Variants in SOX5 observed in about 807,000 individuals in gnomAD.
The protein encoded by SOX5 is transcription factor SOX-5.
SOX5 carries 9 observed loss-of-function variants against 92.0 expected under a neutral mutation model. The observed-to-expected ratio is 0.10, with a 90% CI of 0.06 to 0.17. The LOEUF (loss-of-function observed/expected upper bound fraction) is 0.17, where lower values mean the gene tolerates loss of function less well. Ranked by LOEUF, SOX5 falls within the 10% of genes least tolerant of loss-of-function variation. The pLI is 1.00. For missense variants in SOX5, 642 were observed against 944.5 expected (o/e 0.68, Z 4.20); for synonymous variants, 344 against 336.3 (o/e 1.02, Z -0.25).
chr12:23,612,457 A>C (rs2076082251), intron 8 of SOX5, among the ~76,000 whole-genome samples: 1 of 152,154 alleles, frequency 6.6e-6, no homozygotes, highest in Non-Finnish European at 1.5e-5. Context: ...CACTTCTAAA[A>C]TTGCACATAA....
At chr12:23,595,368 A>T (rs554901036) in intron 9 of SOX5, among the ~76,000 whole-genome samples, 1 of 152,238 alleles carries the variant, frequency 6.6e-6, no homozygotes, top group East Asian at 1.9e-4. Flanking sequence ...CACGCCTGTA[A>T]TCCCAGCACT....
At chr12:23,870,721 G>A (rs1242093648) in intron 2 of SOX5, among the ~76,000 whole-genome samples, 1 of 151,948 alleles carries the variant, frequency 6.6e-6, no homozygotes, top group Non-Finnish European at 1.5e-5. Context: ...AACAAATCTT[G>A]GTGCTAAATT....
chr12:24,345,072 A>G (rs1198302970), intron 2 of SOX5, among the ~76,000 whole-genome samples: 1 of 152,216 alleles, frequency 6.6e-6, no homozygotes, highest in Non-Finnish European at 1.5e-5. Flanking sequence ...TGTGCTTCTC[A>G]AACTGGAGTG....
At chr12:24,174,803 A>T (rs1039754876) in intron 4 of SOX5, among the ~76,000 whole-genome samples, 1 of 152,064 alleles carries the variant, frequency 6.6e-6, no homozygotes, top group African/African-American at 2.4e-5. Context: ...CCGGGCCACA[A>T]GAGTGAACTT....
chr12:24,036,898 A>T (rs1046745558), intron 4 of SOX5, among the ~76,000 whole-genome samples: 1 of 152,194 alleles, frequency 6.6e-6, no homozygotes, highest in Admixed American at 6.5e-5. Flanking sequence ...GTATGTACAG[A>T]TGTTTAAATT....
intron 1 of SOX5, among the ~76,000 whole-genome samples, chr12:24,389,154 T>A (rs1383033990): frequency 1.3e-5 from 2 of 151,802 alleles, no homozygotes; most frequent in Admixed American, 1.3e-4. Flanking sequence ...CCCCTTCCTG[T>A]GCCCATGTGT....
At chr12:24,509,825 T>C (rs1277116847) in intron 1 of SOX5, among the ~76,000 whole-genome samples, 2 of 152,204 alleles carry the variant, frequency 1.3e-5, no homozygotes, top group African/African-American at 2.4e-5. Context: ...TTACTTTTGG[T>C]CTCAGCCACA....
chr12:24,341,284 C>T (rs550330566), intron 2 of SOX5, among the ~76,000 whole-genome samples: 2 of 152,120 alleles, frequency 1.3e-5, no homozygotes, highest in East Asian at 3.9e-4. Context: ...CAAGACCAGC[C>T]TGGGCAACAC....
At position 24,524,612 on chromosome 12, in the gene SOX5, A is replaced by G. The variant is rs376757822; in HGVS notation, c.-251+37717T>C. Among the ~76,000 whole-genome samples, 4 of 152,344 alleles carry G rather than the reference A, an allele frequency of 2.6e-5. No individual in the cohort carries two copies. In the South Asian group the frequency reaches 8.3e-4, roughly 32 times the overall value. ...CATCAGAGAAATGCAAATCAAAACC[A>G]TAATGAGATCTCACCTCACACCTGT... On this transcript the variant is annotated intron_variant, in intron 1 of 4. Transcript: ENST00000446891.
At chr12:23,858,939 C>T (rs967425191) in intron 2 of SOX5, among the ~76,000 whole-genome samples, 4 of 152,162 alleles carry the variant, frequency 2.6e-5, no homozygotes, top group African/African-American at 9.7e-5. Flanking sequence ...ATTTCATTGA[C>T]ATTTATCACT....
At position 24,397,302 on chromosome 12, in the gene SOX5, T is replaced by G. The variant is rs573471562; in HGVS notation, c.-250-28663A>C. On this transcript the variant is annotated intron_variant, in intron 1 of 4. Coordinates refer to the SOX5 transcript ENST00000446891. ...TCCATATATCAAATCCCTGGTTAAA[T>G]GAAAGACTCGTGACAGTTTTTCGAC... 2.0e-5 allele frequency among the ~76,000 whole-genome samples: 3 copies of G among 152,184 alleles called. No homozygotes were observed. In the East Asian group the frequency reaches 5.8e-4, roughly 29 times the overall value.
At chr12:23,956,902 G>A (rs965294517) in intron 4 of SOX5, among the ~76,000 whole-genome samples, 1 of 152,130 alleles carries the variant, frequency 6.6e-6, no homozygotes, top group Non-Finnish European at 1.5e-5. Context: ...GACCTCAGGT[G>A]ATCTGCCCAG....
chr12:23,778,752 T>C (rs1272400258), intron 3 of SOX5, among the ~76,000 whole-genome samples: 2 of 152,280 alleles, frequency 1.3e-5, no homozygotes, highest in East Asian at 1.9e-4. Flanking sequence ...GAGCTCTGGA[T>C]ACTTGAAGAG....
intron 6 of SOX5, among the ~76,000 whole-genome samples, chr12:23,707,436 C>T (rs1159466711): frequency 2.0e-5 from 3 of 152,112 alleles, no homozygotes; most frequent in Non-Finnish European, 4.4e-5. Context: ...GAACATGAGT[C>T]AGACTGAATG....
chr12:23,754,469 A>T (rs1434692343), intron 4 of SOX5, among the ~76,000 whole-genome samples: 4 of 151,844 alleles, frequency 2.6e-5, no homozygotes, highest in Non-Finnish European at 1.5e-5. Context: ...ATTCTCATTC[A>T]TTTGAATTTG....
At chr12:24,371,961 G>A (rs1459002941) in intron 1 of SOX5, among the ~76,000 whole-genome samples, 2 of 151,790 alleles carry the variant, frequency 1.3e-5, no homozygotes, top group Admixed American at 6.6e-5. Flanking sequence ...GCACTCTAGC[G>A]TGGGTGACAG....
chr12:23,574,987 C>T (rs1244158642), intron 10 of SOX5, among the ~76,000 whole-genome samples: 1 of 152,156 alleles, frequency 6.6e-6, no homozygotes, highest in Non-Finnish European at 1.5e-5. Flanking sequence ...TCCTTGAGGG[C>T]TGGCCTCCTT....
chr12:23,778,375 A>G (rs969365468), intron 3 of SOX5, among the ~76,000 whole-genome samples: 16 of 152,212 alleles, frequency 1.1e-4, no homozygotes, highest in African/African-American at 3.9e-4. Flanking sequence ...CAAGTTTTAT[A>G]AGCTAAAAGG....
intron 1 of SOX5, among the ~76,000 whole-genome samples, chr12:24,397,505 T>C (rs1010986626): frequency 2.0e-5 from 3 of 152,192 alleles, no homozygotes; most frequent in African/African-American, 7.2e-5. Context: ...TAATAATAAG[T>C]ACATGCCAGG....
Sources: allele counts gnomAD v4.1 joint callset (sites outside exome capture counted in the v4.1 genomes callset), GRCh38; gene constraint gnomAD v4.1.1; transcripts MANE v1.5; gene names NCBI Gene and HGNC (gene_info 2026-07-23, HGNC 2026-07-21).